DESI1: variants seen among roughly 807,000 people sequenced by gnomAD.
DESI1 encodes the protein PPPDE peptidase domain containing 2.
In DESI1, 17 loss-of-function variants were observed where a neutral mutation model predicts 22.4. The observed-to-expected ratio is 0.76, with a 90% CI of 0.52 to 1.14. The LOEUF (loss-of-function observed/expected upper bound fraction) is 1.14. Ranked by LOEUF, DESI1 falls within the 50% of genes most tolerant of loss-of-function variation. The pLI, the probability that DESI1 is intolerant of heterozygous loss-of-function variation, is 0.00. For synonymous variants in DESI1, 92 were observed against 84.2 expected (o/e 1.09, Z -0.51); for missense variants, 177 against 208.9 (o/e 0.85, Z 0.94).
chr22:41,602,659 GTGT>G (rs2067455790), intron 5 of DESI1: 2 of 987,170 alleles, frequency 2.0e-6, no homozygotes, highest in Admixed American at 6.0e-5. Context: ...GGCTTTGGGG[GTGT>G]TGTGTCCTTT....
intron 1 of DESI1, among the ~76,000 whole-genome samples, chr22:41,618,846 C>G (rs1383066888): frequency 6.6e-6 from 1 of 152,178 alleles, no homozygotes; most frequent in African/African-American, 2.4e-5. Flanking sequence ...AGGCGGATCA[C>G]AAGGTGAGGA....
chr22:41,613,885 T>G (rs1441686868), intron 1 of DESI1, among the ~76,000 whole-genome samples: 1 of 152,218 alleles, frequency 6.6e-6, no homozygotes, highest in Non-Finnish European at 1.5e-5. Flanking sequence ...AACCCTACTT[T>G]ATTCTCCTTT....
At chr22:41,609,025 T>G (rs1057051695) in intron 1 of DESI1, among the ~76,000 whole-genome samples, 1 of 152,118 alleles carries the variant, frequency 6.6e-6, no homozygotes, top group Non-Finnish European at 1.5e-5. Flanking sequence ...CATTGCAACC[T>G]CTGCCCCCCG....
intron 1 of DESI1, among the ~76,000 whole-genome samples, chr22:41,612,502 G>A (rs1358861129): frequency 1.8e-5 from 2 of 112,560 alleles, no homozygotes; most frequent in African/African-American, 6.2e-5. Context: ...CAAAACTCTT[G>A]TCTCAAAAAA....
At chr22:41,617,950 G>A (rs915116979) in intron 1 of DESI1, among the ~76,000 whole-genome samples, 6 of 152,132 alleles carry the variant, frequency 3.9e-5, no homozygotes, top group Non-Finnish European at 8.8e-5. Context: ...CAGGGCTTTG[G>A]CAGGTTGATC....
intron 1 of DESI1, among the ~76,000 whole-genome samples, chr22:41,608,855 C>T (rs2067498550): frequency 6.6e-6 from 1 of 152,160 alleles, no homozygotes; most frequent in Non-Finnish European, 1.5e-5. Context: ...GGAGTGTCAG[C>T]AAACATCACC....
chr22:41,613,365 C>G (rs1452353980), intron 1 of DESI1, among the ~76,000 whole-genome samples: 1 of 152,234 alleles, frequency 6.6e-6, no homozygotes, highest in African/African-American at 2.4e-5. Flanking sequence ...GGACATAATA[C>G]ATGCCCAATA....
intron 2 of DESI1, 33 bp from the exon 3 acceptor site, chr22:41,607,364 A>G: frequency 6.3e-7 from 1 of 1,582,826 alleles, no homozygotes; most frequent in South Asian, 1.2e-5. Flanking sequence ...GTAAGCCAGA[A>G]AACTTAAACT....
intron 3 of DESI1, among the ~76,000 whole-genome samples, chr22:41,606,600 C>T (rs995264259): frequency 3.3e-5 from 5 of 151,578 alleles, no homozygotes; most frequent in African/African-American, 1.2e-4. Flanking sequence ...GCTGAAACAC[C>T]GTATCTACTA....
Position 41,620,936 on chromosome 22 carries a change from G to C in DESI1, c.-97C>G, listed in dbSNP as rs888690601. ...ACGGGAGTGCGAAGCGGAGGGAGAG[G>C]GGGGGACCGAGCCCGGGCCCGGGCT... On this transcript the variant is annotated 5_prime_UTR_variant, in exon 1 of 6. Coordinates refer to ENST00000263256, the MANE Select transcript of DESI1 (RefSeq NM_015704.3). 5 of 1,421,770 alleles carry C rather than the reference G, an allele frequency of 3.5e-6. No homozygotes were observed. Among genetic ancestry groups the C allele is most frequent in the Admixed American group, 2.1e-5 (1 of 47,388 alleles). The allele number at this position is 1,421,770 out of a possible 1,614,324, so 88.1% of individuals were successfully genotyped here.
At position 41,620,956 on chromosome 22, in the gene DESI1, C is replaced by T; in HGVS notation, c.-117G>A. ...GAGAGGGGGGGACCGAGCCCGGGCC[C>T]GGGCTGAGGGGTGGGGGAGAGGCCG... is the stretch of plus-strand genomic sequence containing the variant. On this transcript the variant is annotated 5_prime_UTR_variant, in exon 1 of 6. Transcript: ENST00000263256. The T allele has an allele frequency of 3.0e-6, 2 of 676,946 alleles. No homozygotes were observed. Among genetic ancestry groups the T allele is most frequent in the South Asian group, 1.8e-5 (1 of 55,378 alleles). The allele number at this position is 676,946 out of a possible 1,614,324, so 41.9% of individuals were successfully genotyped here.
intron 5 of DESI1, chr22:41,602,843 C>T: frequency 9.7e-7 from 1 of 1,032,984 alleles, no homozygotes; most frequent in South Asian, 3.0e-5. Flanking sequence ...GTTCATGGTG[C>T]AGTGTAAGGC....
chr22:41,620,899 T>C lies in DESI1; in HGVS notation c.-60A>G. On this transcript the variant is annotated 5_prime_UTR_variant, in exon 1 of 6. Transcript: ENST00000263256. ...CGGGCACCCGGCAGCGGCTTGGACCTTCCCGTACCCGACGGGAGTGCGAAG... is the reference window on the plus strand; with the variant it reads ...CGGGCACCCGGCAGCGGCTTGGACCCTCCCGTACCCGACGGGAGTGCGAAG... 1.3e-6 allele frequency: 2 copies of C among 1,557,122 alleles called. No individual in the cohort carries two copies. The highest frequency in any genetic ancestry group is 1.2e-5 in the South Asian group (1 of 85,818).
chr22:41,619,572 A>G (rs2067571365), intron 1 of DESI1, among the ~76,000 whole-genome samples: 1 of 152,184 alleles, frequency 6.6e-6, no homozygotes, highest in Admixed American at 6.5e-5. Flanking sequence ...TTCTAATCTC[A>G]TTTACAATAT....
At chr22:41,616,525 AACACAC>A (rs55785001) in intron 1 of DESI1, among the ~76,000 whole-genome samples, 43,488 of 146,422 alleles carry the variant, frequency 0.3, 6,506 homozygotes, top group Non-Finnish European at 0.32. Flanking sequence ...CCACAATTAA[AACACAC>A]ACACACACAC....
rs182729155 is a variant in DESI1 at position 41,619,089 on chromosome 22, A to C, written c.88+1663T>G. ...AAAAAAAAAAACCAACAAAAAAAAA[A>C]CACTTGACTGATGTAATCTATTAAT... On this transcript the variant is annotated intron_variant, in intron 1 of 5. Transcript: ENST00000263256. Among the ~76,000 whole-genome samples, 126 of 152,176 alleles carry C rather than the reference A, an allele frequency of 8.3e-4. 1 individual carries two copies. In the East Asian group the frequency reaches 0.023, roughly 28 times the overall value.
Position 41,600,844 on chromosome 22 carries a change from G to A in DESI1, c.*253C>T. On this transcript the variant is annotated 3_prime_UTR_variant, in exon 6 of 6. Coordinates refer to ENST00000263256, the MANE Select transcript of DESI1 (RefSeq NM_015704.3). ...CAGTGTGGAGGACGCTTAGGAAACA[G>A]CATCCGAAGTGAACGCACAGACAAG... 1 of 418,182 alleles carries A rather than the reference G, an allele frequency of 2.4e-6. No homozygotes were observed. Among genetic ancestry groups the A allele is most frequent in the South Asian group, 2.5e-5 (1 of 39,908 alleles). The allele number at this position is 418,182 out of a possible 1,614,324, so 25.9% of individuals were successfully genotyped here.
Position 41,621,014 on chromosome 22 carries a change from C to G in DESI1, c.-175G>C, listed in dbSNP as rs2067592815. 3 of 644,624 alleles carry G rather than the reference C, an allele frequency of 4.7e-6. No individual in the cohort carries two copies. The highest frequency in any genetic ancestry group is 7.9e-6 in the Non-Finnish European group (3 of 378,644). 39.9% of individuals were successfully genotyped at this position (644,624 alleles called of 1,614,324 possible). A position where few individuals can be genotyped will look rare whatever the true frequency, so the allele number is the denominator to read the frequency against. On this transcript the variant is annotated 5_prime_UTR_variant, in exon 1 of 6. Transcript: ENST00000263256. The stretch of plus-strand genomic sequence containing the variant: ...CTGCTCGCGCCCCCACACCCGCTAC[C>G]GGCAACGACTACTGTGAGGTGACAG...
Position 41,600,669 on chromosome 22 carries a change from T to G in DESI1, c.*428A>C. The G allele has an allele frequency of 5.7e-6, 1 of 173,940 alleles. No individual in the cohort carries two copies. The highest frequency in any genetic ancestry group is 1.2e-5 in the Non-Finnish European group (1 of 80,018). 10.8% of individuals were successfully genotyped at this position (173,940 alleles called of 1,614,324 possible). The stretch of plus-strand genomic sequence containing the variant: ...TGGTTCATTTAACACTAGAGTAACT[T>G]TCTGGGTCACGGATGTTCTAAAACT... On this transcript the variant is annotated 3_prime_UTR_variant, in exon 6 of 6. Transcript: ENST00000263256.
Sources: allele counts gnomAD v4.1 joint callset (sites outside exome capture counted in the v4.1 genomes callset), GRCh38; gene constraint gnomAD v4.1.1; transcripts MANE v1.5; gene names NCBI Gene and HGNC (gene_info 2026-07-23, HGNC 2026-07-21).